HTR4: variants seen among roughly 807,000 people sequenced by gnomAD.
HTR4 encodes 5-hydroxytryptamine (serotonin) receptor 4, G protein-coupled.
Under a neutral mutation model 36.8 loss-of-function variants are expected in HTR4, and 16 were observed. That is an observed-to-expected ratio of 0.43 (90% CI 0.29 to 0.66). The LOEUF (loss-of-function observed/expected upper bound fraction) is 0.66, where lower values mean the gene tolerates loss of function less well. Among genes scored for constraint, HTR4 ranks in the 30% least tolerant of loss-of-function variants. The pLI is 0.13. For synonymous variants in HTR4, 189 were observed against 185.1 expected (o/e 1.02, Z -0.17); for missense variants, 438 against 490.9 (o/e 0.89, Z 1.02).
intron 6 of HTR4, 98 bp downstream of exon 6, chr5:148,509,358 G>A (rs1223686088): frequency 2.3e-6 from 2 of 859,228 alleles, no homozygotes; most frequent in Admixed American, 5.7e-5. Context: ...CTCTATGCAG[G>A]TTTCAGGGAT....
chr5:148,563,990 C>T (rs1760328404), intron 2 of HTR4, among the ~76,000 whole-genome samples: 1 of 152,210 alleles, frequency 6.6e-6, no homozygotes, highest in African/African-American at 2.4e-5. Flanking sequence ...GGCAATTACT[C>T]TTTCCCAACA....
chr5:148,585,478 T>C (rs1213186396), intron 2 of HTR4, among the ~76,000 whole-genome samples: 1 of 152,224 alleles, frequency 6.6e-6, no homozygotes, highest in Non-Finnish European at 1.5e-5. Context: ...CAAATATATG[T>C]TCAGAACCAT....
intron 2 of HTR4, among the ~76,000 whole-genome samples, chr5:148,572,168 G>A (rs1289005564): frequency 6.6e-6 from 1 of 152,024 alleles, no homozygotes; most frequent in Non-Finnish European, 1.5e-5. Flanking sequence ...CAAGATTTTA[G>A]GCCTTGTCAG....
At chr5:148,639,473 T>C (rs986652881) in intron 1 of HTR4, among the ~76,000 whole-genome samples, 3 of 152,048 alleles carry the variant, frequency 2.0e-5, no homozygotes, top group African/African-American at 7.2e-5. Flanking sequence ...AATGTGACCA[T>C]GTAGATTACT....
At chr5:148,490,619 A>G (rs946377992) in intron 6 of HTR4, 9 of 1,168,820 alleles carry the variant, frequency 7.7e-6, no homozygotes, top group African/African-American at 1.6e-5. Context: ...AGAAATGTTG[A>G]CTAATGAACA....
chr5:148,454,984 C>A (rs2113685409), intron 5 of HTR4, among the ~76,000 whole-genome samples: 1 of 152,288 alleles, frequency 6.6e-6, no homozygotes, highest in Admixed American at 6.5e-5. Flanking sequence ...AGGGATATCC[C>A]TGAAGTGGAT....
intron 2 of HTR4, among the ~76,000 whole-genome samples, chr5:148,632,654 T>G (rs1753365008): frequency 6.6e-6 from 1 of 152,232 alleles, no homozygotes; most frequent in Non-Finnish European, 1.5e-5. Context: ...GTTTATCTCC[T>G]GTCTGAACAT....
At chr5:148,577,134 C>A (rs1387766634) in intron 2 of HTR4, among the ~76,000 whole-genome samples, 1 of 151,934 alleles carries the variant, frequency 6.6e-6, no homozygotes, top group African/African-American at 2.4e-5. Flanking sequence ...AGAAAAACAA[C>A]CCTATTAAAA....
chr5:148,648,099 T>A (rs141928145), intron 1 of HTR4, among the ~76,000 whole-genome samples: 7 of 152,342 alleles, frequency 4.6e-5, no homozygotes, highest in African/African-American at 1.4e-4. Flanking sequence ...ATCTTTTTGG[T>A]GACTATACGA....
chr5:148,577,506 A>C (rs904393905), intron 2 of HTR4, among the ~76,000 whole-genome samples: 2 of 152,150 alleles, frequency 1.3e-5, no homozygotes, highest in Non-Finnish European at 2.9e-5. Flanking sequence ...TACCATAAAG[A>C]CACATGCACA....
At chr5:148,599,728 T>C (rs1242502615) in intron 2 of HTR4, among the ~76,000 whole-genome samples, 11 of 152,102 alleles carry the variant, frequency 7.2e-5, no homozygotes. Context: ...ATTCAAATTA[T>C]TTATTACTAT....
intron 1 of HTR4, among the ~76,000 whole-genome samples, chr5:148,652,728 G>A (rs9325109): frequency 0.013 from 1,903 of 152,234 alleles, 47 homozygotes; most frequent in African/African-American, 0.044. Flanking sequence ...AATGATGACT[G>A]TGGCTCTCCT....
chr5:148,620,456 C>T (rs980320680), intron 2 of HTR4, among the ~76,000 whole-genome samples: 2 of 152,170 alleles, frequency 1.3e-5, no homozygotes, highest in African/African-American at 4.8e-5. Flanking sequence ...ATATGGTAGC[C>T]ACTAGCCACG....
chr5:148,476,394 C>T (rs17720407), downstream of HTR4, among the ~76,000 whole-genome samples: 897 of 152,312 alleles, frequency 5.9e-3, 34 homozygotes, highest in East Asian at 0.1. Flanking sequence ...TGCCATAACT[C>T]GGTGATATAA....
At chr5:148,515,888 T>C (rs1209552231) in intron 5 of HTR4, among the ~76,000 whole-genome samples, 2 of 151,766 alleles carry the variant, frequency 1.3e-5, no homozygotes, top group Non-Finnish European at 2.9e-5. Context: ...GCACTATTTC[T>C]ACAAATATTA....
chr5:148,639,681 A>C (rs1172237052), intron 1 of HTR4, among the ~76,000 whole-genome samples: 1 of 133,872 alleles, frequency 7.5e-6, no homozygotes, highest in Non-Finnish European at 1.6e-5. Flanking sequence ...TGTCTTGCTC[A>C]CTAGAATATA....
At chr5:148,570,052 C>T (rs1348167953) in intron 2 of HTR4, among the ~76,000 whole-genome samples, 2 of 152,118 alleles carry the variant, frequency 1.3e-5, no homozygotes, top group Non-Finnish European at 2.9e-5. Context: ...GGATAATGTA[C>T]TGCTCTTGCC....
In HTR4 at chr5:148,542,962, C is replaced by A. The variant is rs1429696181; in HGVS notation, c.353+5706G>T. ...ATATGTTTTTGGTAAAGCTGGGAGT[C>A]ATGGTGCCTGACCTCTGCCCAGTAA... On this transcript the variant is annotated intron_variant, in intron 4 of 6. Transcript: ENST00000377888. 2.0e-5 allele frequency among the ~76,000 whole-genome samples: 3 copies of A among 152,300 alleles called. No individual in the cohort carries two copies. The East Asian group carries it at 5.8e-4, about 29-fold the overall frequency.
intron 2 of HTR4, among the ~76,000 whole-genome samples, chr5:148,568,019 C>T (rs753478681): frequency 1.4e-4 from 22 of 152,104 alleles, no homozygotes; most frequent in South Asian, 4.1e-4. Context: ...GTTGGAAATA[C>T]GGTTGTATCA....
Sources: allele counts gnomAD v4.1 joint callset (sites outside exome capture counted in the v4.1 genomes callset), GRCh38; gene constraint gnomAD v4.1.1; transcripts MANE v1.5; gene names NCBI Gene and HGNC (gene_info 2026-07-23, HGNC 2026-07-21).